Variants in WRAP73 observed in about 807,000 individuals in gnomAD.
WRAP73 encodes WD repeat-containing protein WRAP73.
A neutral mutation model predicts 59.6 loss-of-function variants in WRAP73; 55 were observed. The ratio of observed to expected loss-of-function variants is 0.92; its 90% CI spans 0.74 to 1.15. The LOEUF is 1.15. WRAP73 is among the 50% of genes most tolerant of loss of function. WRAP73 has a pLI of 0.00. For synonymous variants in WRAP73, 265 were observed against 258.2 expected, an observed-to-expected ratio of 1.03 and a Z score of -0.25; for missense variants, 592 against 608.1, an observed-to-expected ratio of 0.97 and a Z score of 0.28.
intron 3 of WRAP73, among the ~76,000 whole-genome samples, chr1:3,641,539 C>T (rs150526931): frequency 2.0e-5 from 3 of 152,340 alleles, no homozygotes; most frequent in Non-Finnish European, 4.4e-5. Context: ...GATGGGATTC[C>T]GAGTAGGCAG....
At chr1:3,631,246 C>A (rs1057230878) in intron 11 of WRAP73, 129 bp from the exon 12 acceptor site, 4 of 1,466,518 alleles carry the variant, frequency 2.7e-6, no homozygotes, top group African/African-American at 1.4e-5. Context: ...AGGGTGGAGC[C>A]CCAGAGCTGC....
intron 9 of WRAP73, chr1:3,632,909 C>T (rs749810731): frequency 4.7e-6 from 1 of 214,430 alleles, no homozygotes; most frequent in African/African-American, 2.4e-5. Context: ...CCTCTACCTG[C>T]AACCTTCAGA....
intron 1 of WRAP73, among the ~76,000 whole-genome samples, chr1:3,648,821 G>A (rs951965698): frequency 6.6e-6 from 1 of 152,152 alleles, no homozygotes; most frequent in Non-Finnish European, 1.5e-5. Flanking sequence ...GAGGAGGGGG[G>A]CACATTGAAA....
At chr1:3,647,368 C>G in intron 2 of WRAP73, 40 bp downstream of exon 2, 1 of 1,576,210 alleles carries the variant, frequency 6.3e-7, no homozygotes, top group South Asian at 1.2e-5. Context: ...CAGGGGCCCT[C>G]AGAAGGTGTC....
At chr1:3,645,522 C>A (rs1257320502) in intron 3 of WRAP73, among the ~76,000 whole-genome samples, 1 of 149,776 alleles carries the variant, frequency 6.7e-6, no homozygotes, top group Non-Finnish European at 1.5e-5. Flanking sequence ...CGGGTTGCCC[C>A]GTGGTGTGCG....
At chr1:3,638,549 A>C (rs540577816) in intron 4 of WRAP73, among the ~76,000 whole-genome samples, 99 of 152,016 alleles carry the variant, frequency 6.5e-4, no homozygotes, top group African/African-American at 2.3e-3. Flanking sequence ...TTAAAAGGGG[A>C]CTCTTGCCTT....
chr1:3,647,229 C>T (rs890165901), intron 2 of WRAP73, 179 bp downstream of exon 2: 12 of 665,086 alleles, frequency 1.8e-5, no homozygotes, highest in African/African-American at 1.5e-4. Flanking sequence ...ATTAAGACTA[C>T]GTTGGAGTTT....
intron 8 of WRAP73, 141 bp from the exon 9 acceptor site, chr1:3,633,644 G>A: frequency 3.0e-6 from 2 of 664,522 alleles, no homozygotes; most frequent in East Asian, 2.9e-5. Flanking sequence ...GGGAGAGACG[G>A]AAGCACGAAC....
In WRAP73 at chr1:3,650,059, G is replaced by A. The variant is rs1023765189; in HGVS notation, c.-60C>T. On this transcript the variant is annotated 5_prime_UTR_variant, in exon 1 of 12. Coordinates refer to ENST00000270708, the MANE Select transcript of WRAP73 (RefSeq NM_017818.4). ...GAAAACCCGCGGGACCCCTGGGCGC[G>A]CAGCAGGCTGCAACAGCCGACGCCG... 3 of 1,472,638 alleles carry A rather than the reference G, an allele frequency of 2.0e-6. No homozygotes were observed. Among genetic ancestry groups the A allele is most frequent in the East Asian group, 2.7e-5 (1 of 37,468 alleles). 91.2% of individuals were successfully genotyped at this position (1,472,638 alleles called of 1,614,324 possible).
chr1:3,636,021 T>A lies in WRAP73; in HGVS notation c.526A>T (p.Thr176Ser). The A allele has an allele frequency of 1.1e-5, 18 of 1,613,812 alleles. No homozygotes were observed. Among genetic ancestry groups the A allele is most frequent in the Non-Finnish European group, 1.5e-5 (18 of 1,179,898 alleles). Reference protein sequence around the residue: ...SDWQLLRHFDTDTQDLTGIEW... With the variant: ...SDWQLLRHFDSDTQDLTGIEW... ...ATCCCTGTGAGATCCTGGGTGTCCG[T>A]ATCAAAATGCTTCCAAAGGAAGGGG... is the stretch of plus-strand genomic sequence containing the variant. Residue 176 changes from threonine to serine, a missense_variant, in exon 6 of 12, where the codon ACG becomes TCG. By Grantham distance (58) the Thr-to-Ser change is moderately conservative. Transcript: ENST00000270708.
rs754009704 is a variant in WRAP73 at position 3,631,673 on chromosome 1, CAG to C, written c.1049-18_1049-17del. On this transcript the variant is annotated splice_polypyrimidine_tract_variant and intron_variant, in intron 10 of 11. Transcript: ENST00000270708. ...GGAATGTTGTCTGAGGAAGGAAGGA[CAG>C]GGCACCGGTGTCATCCCTGCCTGGC... 3 of 1,579,514 alleles carry C rather than the reference CAG, an allele frequency of 1.9e-6. No individual in the cohort carries two copies. The highest frequency in any genetic ancestry group is 2.2e-5 in the East Asian group (1 of 44,572).
At chr1:3,637,844 T>C (rs1644602864) in intron 4 of WRAP73, among the ~76,000 whole-genome samples, 1 of 152,090 alleles carries the variant, frequency 6.6e-6, no homozygotes, top group Non-Finnish European at 1.5e-5. Context: ...AAAAAAGTAA[T>C]AATAAGATGA....
chr1:3,631,329 G>A, intron 11 of WRAP73, 137 bp downstream of exon 11: 2 of 1,336,154 alleles, frequency 1.5e-6, no homozygotes, highest in Non-Finnish European at 2.1e-6. Flanking sequence ...CCGTCTTGAG[G>A]TTTACGCAAA....
Position 3,646,220 on chromosome 1 carries a change from CGG to C in WRAP73, c.339+444_339+445del, listed in dbSNP as rs925456019. On this transcript the variant is annotated intron_variant, in intron 3 of 11. Transcript: ENST00000270708. This position sits in a 1 kb window ranked among gnomAD's most constrained non-coding sequence, Gnocchi z 5.1. ...TCTGACTCAGTAGCAGCCCAAAGCA[CGG>C]GCGGTGGGGCTCGCAATCTGGATAC... Among the ~76,000 whole-genome samples, 6 of 152,186 alleles carry C rather than the reference CGG, an allele frequency of 3.9e-5. No individual in the cohort carries two copies. Among genetic ancestry groups the C allele is most frequent in the Non-Finnish European group, 8.8e-5 (6 of 68,044 alleles).
Position 3,632,214 on chromosome 1 carries a change from GT to G in WRAP73, c.1046del (p.Asn349ThrfsTer16). 1 of 1,612,832 alleles carries G rather than the reference GT, an allele frequency of 6.2e-7. No homozygotes were observed. Among genetic ancestry groups the G allele is most frequent in the South Asian group, 1.1e-5 (1 of 90,914 alleles). ...SPDSYFLATR[N>X]DNIPNAVWVW... is the part of the protein sequence containing the mutation. The stretch of plus-strand genomic sequence containing the variant: ...AGCACCTGCGTCAGCACAACTGACC[GT>G]TCCTTGTCGCCAGGAAGTAGCTGTC... On this transcript the variant is annotated frameshift_variant and splice_region_variant, in exon 10 of 12. Coordinates refer to ENST00000270708, the MANE Select transcript of WRAP73 (RefSeq NM_017818.4). LOFTEE classifies it high-confidence loss of function.
chr1:3,635,047 T>C lies in WRAP73; in HGVS notation c.766A>G (p.Lys256Glu), dbSNP rs1384857212. Reference protein sequence around the residue: ...KVRILNHVTWKMITEFGHPAA... With the variant: ...KVRILNHVTWEMITEFGHPAA... ...GGATGCCCAAACTCCGTGATCATTT[T>C]CCAAGTCACGTGATTAAGGATGCGC... Residue 256 changes from lysine (K) to glutamate (E), a missense_variant, in exon 8 of 12, where the codon AAA becomes GAA. Lys to Glu is a moderately conservative substitution (Grantham distance 56). Transcript: ENST00000270708. 6.2e-7 allele frequency: 1 copy of C among 1,614,234 alleles called. No homozygotes were observed. The highest frequency in any genetic ancestry group is 8.5e-7 in the Non-Finnish European group (1 of 1,180,040).
intron 5 of WRAP73, 163 bp downstream of exon 5, chr1:3,636,832 G>A (rs756831316): frequency 1.5e-5 from 11 of 750,480 alleles, no homozygotes; most frequent in African/African-American, 1.2e-4. Flanking sequence ...ACACACAACC[G>A]GGTGCCACTG....
intron 6 of WRAP73, 61 bp from the exon 7 acceptor site, chr1:3,635,355 G>A: frequency 1.2e-6 from 2 of 1,601,188 alleles, no homozygotes; most frequent in Middle Eastern, 1.7e-4. Flanking sequence ...ACACACCACA[G>A]ACGCGGGTGC....
intron 10 of WRAP73, 121 bp downstream of exon 10, chr1:3,632,092 A>C (rs1644541030): frequency 6.7e-7 from 1 of 1,502,662 alleles, no homozygotes; most frequent in African/African-American, 1.4e-5. Context: ...CTACTGCAGA[A>C]ACGTGAAAGG....
Sources: gnomAD v4.1 joint callset for allele counts (sites outside exome capture counted in the v4.1 genomes callset) on GRCh38, gnomAD v4.1.1 for gene constraint, Gnocchi (gnomAD v3.1) non-coding constraint, MANE v1.5 for transcripts, NCBI Gene and HGNC (gene_info 2026-07-23, HGNC 2026-07-21) for gene names.